Variants in SYNPR observed in about 807,000 individuals in gnomAD.
SYNPR encodes synaptoporin.
SYNPR carries 23 observed loss-of-function variants against 32.9 expected under a neutral mutation model. That is an observed-to-expected ratio of 0.70 (90% CI 0.50 to 0.99). SYNPR has a LOEUF of 0.99. Among genes scored for constraint, SYNPR ranks in the 50% least tolerant of loss-of-function variants. SYNPR has a pLI of 0.00. For missense variants in SYNPR, 318 were observed against 349.3 expected (o/e 0.91, Z 0.71); for synonymous variants, 146 against 135.9 (o/e 1.07, Z -0.52).
At chr3:63,491,816 C>T (rs984046975) in intron 3 of SYNPR, among the ~76,000 whole-genome samples, 1 of 152,156 alleles carries the variant, frequency 6.6e-6, no homozygotes, top group Admixed American at 6.6e-5. Flanking sequence ...CCACCATGCC[C>T]GGCCTAAATG....
chr3:63,305,179 C>T (rs1382533687), intron 2 of SYNPR, among the ~76,000 whole-genome samples: 1 of 151,964 alleles, frequency 6.6e-6, no homozygotes, highest in Non-Finnish European at 1.5e-5. Context: ...AGGGAATGAG[C>T]CTATGTACAA....
intron 4 of SYNPR, among the ~76,000 whole-genome samples, chr3:63,607,455 G>A (rs1375258096): frequency 2.0e-5 from 3 of 152,108 alleles, no homozygotes; most frequent in Admixed American, 2.0e-4. Context: ...TGAAACAGCT[G>A]TAGATATTGT....
intron 1 of SYNPR, among the ~76,000 whole-genome samples, chr3:63,247,831 C>T (rs777645668): frequency 1.5e-4 from 23 of 152,174 alleles, no homozygotes; most frequent in Non-Finnish European, 2.1e-4. Context: ...CAGTTTCTGA[C>T]GAAGAAGGAG....
intron 1 of SYNPR, among the ~76,000 whole-genome samples, chr3:63,251,769 A>T (rs2086333319): frequency 6.6e-6 from 1 of 151,946 alleles, no homozygotes; most frequent in Admixed American, 6.6e-5. Context: ...TCTGCTTGGA[A>T]AGACAACAAC....
At chr3:63,305,245 C>T (rs1166076949) in intron 2 of SYNPR, among the ~76,000 whole-genome samples, 1 of 152,046 alleles carries the variant, frequency 6.6e-6, no homozygotes, top group East Asian at 1.9e-4. Flanking sequence ...CTGGGGGTGA[C>T]TGTAGCCCAA....
At chr3:63,368,340 C>G (rs2107047134) in intron 2 of SYNPR, among the ~76,000 whole-genome samples, 1 of 152,154 alleles carries the variant, frequency 6.6e-6, no homozygotes, top group South Asian at 2.1e-4. Flanking sequence ...TACAGGGAAG[C>G]AGAGAAAGAG....
the SYNPR span, among the ~76,000 whole-genome samples, chr3:63,222,438 G>A: frequency 1.3e-5 from 2 of 152,220 alleles, no homozygotes; most frequent in Non-Finnish European, 2.9e-5. Context: ...CACTCAAAGT[G>A]TAATGGGGAG....
the SYNPR span, among the ~76,000 whole-genome samples, chr3:63,201,938 G>T: frequency 6.6e-6 from 1 of 152,064 alleles, no homozygotes; most frequent in Non-Finnish European, 1.5e-5. Context: ...CACAAAAAGA[G>T]GTATGTACTG....
rs149211655 is a variant in SYNPR, at chr3:63,487,351, A to G, written c.209+6395A>G. Among the ~76,000 whole-genome samples, 156 of 152,322 alleles carry G rather than the reference A, an allele frequency of 1.0e-3. 1 individual carries two copies. Among genetic ancestry groups the G allele is most frequent in the African/African-American group, 3.2e-3 (135 of 41,590 alleles). ...GTTTCTTATCTGTGAAACAGAAACAATGTTACCTATTTCATAGTATTGTTA... is the reference window on the plus strand; with the variant it reads ...GTTTCTTATCTGTGAAACAGAAACAGTGTTACCTATTTCATAGTATTGTTA... On this transcript the variant is annotated intron_variant, in intron 3 of 5. Coordinates refer to ENST00000478300, the MANE Select transcript of SYNPR (RefSeq NM_001130003.2).
chr3:63,443,521 C>T, intron 2 of SYNPR: 1 of 1,578,054 alleles, frequency 6.3e-7, no homozygotes, highest in Non-Finnish European at 8.6e-7. Context: ...TATGTGTGTG[C>T]ATGTATGTGT....
chr3:63,487,671 C>G (rs1018133836), intron 3 of SYNPR, among the ~76,000 whole-genome samples: 1 of 152,120 alleles, frequency 6.6e-6, no homozygotes, highest in Admixed American at 6.5e-5. Context: ...GTGCTTTTAA[C>G]TATTTAATGT....
chr3:63,261,681 C>T (rs1393202485), intron 2 of SYNPR, among the ~76,000 whole-genome samples: 3 of 148,484 alleles, frequency 2.0e-5, no homozygotes, highest in African/African-American at 5.0e-5. Flanking sequence ...CTAACCTGCA[C>T]ATCGTGCATA....
intron 4 of SYNPR, among the ~76,000 whole-genome samples, chr3:63,562,567 C>T (rs1327743138): frequency 6.6e-6 from 1 of 152,198 alleles, no homozygotes; most frequent in South Asian, 2.1e-4. Context: ...TATCACGGCT[C>T]ACCTTGGTTT....
intron 2 of SYNPR, among the ~76,000 whole-genome samples, chr3:63,402,741 C>A (rs974942893): frequency 6.6e-6 from 1 of 152,298 alleles, no homozygotes; most frequent in East Asian, 1.9e-4. Flanking sequence ...GAACTCTTTT[C>A]GTTTACTGCT....
chr3:63,251,544 A>G (rs1158548083), intron 1 of SYNPR, among the ~76,000 whole-genome samples: 2 of 152,180 alleles, frequency 1.3e-5, no homozygotes, highest in African/African-American at 4.8e-5. Context: ...TAGAGTAGGA[A>G]GAGCTGTGTG....
chr3:63,556,795 C>A, intron 4 of SYNPR, 54 bp downstream of exon 4: 1 of 1,506,422 alleles, frequency 6.6e-7, no homozygotes, highest in Non-Finnish European at 8.9e-7. Flanking sequence ...ATTTCTTTTA[C>A]TAATGCTTGA....
chr3:63,379,373 C>T (rs2087937466), intron 2 of SYNPR, among the ~76,000 whole-genome samples: 2 of 151,978 alleles, frequency 1.3e-5, no homozygotes, highest in African/African-American at 2.4e-5. Context: ...TTATCCTTGC[C>T]CTTTTTCTTT....
intron 2 of SYNPR, among the ~76,000 whole-genome samples, chr3:63,404,205 ATGG>A (rs2088328844): frequency 6.6e-6 from 1 of 152,222 alleles, no homozygotes; most frequent in African/African-American, 2.4e-5. Flanking sequence ...AACAATAATT[ATGG>A]TGATTACGTT....
At chr3:63,307,921 T>C (rs1051940607) in intron 2 of SYNPR, among the ~76,000 whole-genome samples, 1 of 151,948 alleles carries the variant, frequency 6.6e-6, no homozygotes, top group African/African-American at 2.4e-5. Flanking sequence ...GAGAAGAACA[T>C]AGTTCGTGGC....
Sources: allele counts gnomAD v4.1 joint callset (sites outside exome capture counted in the v4.1 genomes callset), GRCh38; gene constraint gnomAD v4.1.1; transcripts MANE v1.5; gene names NCBI Gene and HGNC (gene_info 2026-07-23, HGNC 2026-07-21).